The following CSGALNACT1 variants were observed in gnomAD, a reference collection of about 807,000 sequenced individuals.
CSGALNACT1 encodes the protein chondroitin sulfate N-acetylgalactosaminyltransferase 1.
CSGALNACT1 carries 52 observed loss-of-function variants against 51.0 expected under a neutral mutation model. The observed-to-expected ratio is 1.02, with a 90% CI of 0.82 to 1.29. The LOEUF (loss-of-function observed/expected upper bound fraction) is 1.29. Ranked by LOEUF, CSGALNACT1 falls within the 50% of genes most tolerant of loss-of-function variation. The pLI is 0.00. For missense variants in CSGALNACT1, 935 were observed against 679.2 expected (o/e 1.38, Z -4.19); for synonymous variants, 341 against 254.4 (o/e 1.34, Z -3.24).
chr8:19,463,879 T>A (rs967480182), intron 4 of CSGALNACT1, among the ~76,000 whole-genome samples: 4 of 152,198 alleles, frequency 2.6e-5, no homozygotes, highest in Admixed American at 2.6e-4. Flanking sequence ...TCTCCATGTA[T>A]CCAAGACAGA....
At chr8:19,752,166 A>T (rs2065078412) in intron 1 of CSGALNACT1, among the ~76,000 whole-genome samples, 1 of 148,130 alleles carries the variant, frequency 6.8e-6, no homozygotes, top group Non-Finnish European at 1.5e-5. Context: ...ATCATATATG[A>T]GTATATATTC....
At chr8:19,444,687 G>A (rs962290138) in intron 5 of CSGALNACT1, among the ~76,000 whole-genome samples, 8 of 152,184 alleles carry the variant, frequency 5.3e-5, no homozygotes, top group South Asian at 2.1e-4. Context: ...AGAAATGACC[G>A]CCTTCCTGGG....
At chr8:19,407,805 ATTG>A (rs1469436448) in intron 9 of CSGALNACT1, among the ~76,000 whole-genome samples, 1 of 149,104 alleles carries the variant, frequency 6.7e-6, no homozygotes, top group East Asian at 1.9e-4. Flanking sequence ...GTGTATATGA[ATTG>A]TGTGCGCATG....
chr8:19,405,993 G>A lies in CSGALNACT1; in HGVS notation c.1386C>T (p.Leu462=), dbSNP rs186245696. Residue 462 remains leucine (L), a synonymous_variant, in exon 10 of 10, where the codon CTC becomes CTT. Coordinates refer to ENST00000454498, the Ensembl canonical transcript of CSGALNACT1. ...CTCGCACAGGCGTCCGTACCACTAT[G>A]AGGTTGCTGTGGAGATACTTGCGAT... 13 of 1,614,226 alleles carry A rather than the reference G, an allele frequency of 8.1e-6. No homozygotes were observed. In the East Asian group the frequency reaches 2.0e-4, roughly 25 times the overall value.
chr8:19,438,570 G>C (rs1400060966), intron 6 of CSGALNACT1, among the ~76,000 whole-genome samples: 1 of 152,206 alleles, frequency 6.6e-6, no homozygotes, highest in Non-Finnish European at 1.5e-5. Flanking sequence ...CTTTAGAGCA[G>C]GGATGGGCAC....
chr8:19,465,554 C>G (rs2066479747), intron 4 of CSGALNACT1, among the ~76,000 whole-genome samples: 1 of 152,226 alleles, frequency 6.6e-6, no homozygotes, highest in South Asian at 2.1e-4. Context: ...AGCAGTTTCT[C>G]ACAGACACAG....
At chr8:19,536,321 A>C (rs10109274) in intron 3 of CSGALNACT1, among the ~76,000 whole-genome samples, 15,170 of 145,852 alleles carry the variant, frequency 0.1, 811 homozygotes, top group African/African-American at 0.15. Flanking sequence ...TTTGCTCTGA[A>C]CTTCAAAATT....
At chr8:19,703,549 C>T (rs972254429) in intron 1 of CSGALNACT1, among the ~76,000 whole-genome samples, 2 of 152,138 alleles carry the variant, frequency 1.3e-5, no homozygotes, top group Non-Finnish European at 2.9e-5. Flanking sequence ...ATGATCCACC[C>T]GCCTGGGCCT....
At chr8:19,728,371 G>T (rs2063516239) in intron 1 of CSGALNACT1, among the ~76,000 whole-genome samples, 1 of 152,124 alleles carries the variant, frequency 6.6e-6, no homozygotes, top group South Asian at 2.1e-4. Flanking sequence ...GAATAAGAAT[G>T]CAGGCTAAAA....
intron 3 of CSGALNACT1, among the ~76,000 whole-genome samples, chr8:19,552,257 A>C (rs2088317930): frequency 6.6e-6 from 1 of 152,212 alleles, no homozygotes; most frequent in Admixed American, 6.5e-5. Flanking sequence ...TTTCCATTTC[A>C]AACACAGTAA....
intron 3 of CSGALNACT1, among the ~76,000 whole-genome samples, chr8:19,584,652 C>T (rs548122253): frequency 2.4e-4 from 36 of 152,232 alleles, no homozygotes; most frequent in South Asian, 8.3e-4. Flanking sequence ...ATACACTTAG[C>T]GAAGATGAAT....
intron 1 of CSGALNACT1, among the ~76,000 whole-genome samples, chr8:19,673,756 G>T (rs759084843): frequency 6.6e-6 from 1 of 152,154 alleles, no homozygotes; most frequent in African/African-American, 2.4e-5. Flanking sequence ...TTTCTGCAGC[G>T]TTCTTTTGAA....
intron 4 of CSGALNACT1, among the ~76,000 whole-genome samples, chr8:19,477,969 AAC>A (rs1286986627): frequency 1.3e-5 from 2 of 152,182 alleles, no homozygotes; most frequent in South Asian, 2.1e-4. Context: ...GATGAAGAGT[AAC>A]ACAGTTTCCA....
At chr8:19,575,812 C>G (rs2958576) in intron 3 of CSGALNACT1, among the ~76,000 whole-genome samples, 130,484 of 152,126 alleles carry the variant, frequency 0.86, 56,113 homozygotes, top group East Asian at 1. Context: ...GTTGCGGAGG[C>G]TTAGATGAAG....
At chr8:19,454,993 A>G (rs769503872) in intron 5 of CSGALNACT1, among the ~76,000 whole-genome samples, 4 of 152,210 alleles carry the variant, frequency 2.6e-5, no homozygotes, top group African/African-American at 4.8e-5. Flanking sequence ...AATGTATAGT[A>G]TATCTCATGT....
At chr8:19,616,304 C>T (rs186168686) in intron 1 of CSGALNACT1, among the ~76,000 whole-genome samples, 128 of 152,150 alleles carry the variant, frequency 8.4e-4, no homozygotes, top group Non-Finnish European at 1.5e-3. Context: ...CCAAGATAAA[C>T]GAAAACATGG....
chr8:19,730,215 C>T (rs2063615051), intron 1 of CSGALNACT1, among the ~76,000 whole-genome samples: 1 of 150,112 alleles, frequency 6.7e-6, no homozygotes, highest in South Asian at 2.2e-4. Flanking sequence ...CCCTTCTTTA[C>T]ACTCAATGTC....
chr8:19,421,716 G>T (rs1270151646), intron 6 of CSGALNACT1, among the ~76,000 whole-genome samples: 1 of 152,238 alleles, frequency 6.6e-6, no homozygotes, highest in Non-Finnish European at 1.5e-5. Flanking sequence ...ATGCTAAGTT[G>T]TATTTGTATC....
intron 1 of CSGALNACT1, among the ~76,000 whole-genome samples, chr8:19,650,879 A>ACT (rs1554783383): frequency 6.6e-6 from 1 of 152,204 alleles, no homozygotes. Flanking sequence ...ACTCAGGTGA[A>ACT]GAGTCACGAG....
Sources: allele counts gnomAD v4.1 joint callset (sites outside exome capture counted in the v4.1 genomes callset), GRCh38; gene constraint gnomAD v4.1.1; transcripts MANE v1.5; gene names NCBI Gene and HGNC (gene_info 2026-07-23, HGNC 2026-07-21).